The following GRID2 variants were observed in gnomAD, a reference collection of about 807,000 sequenced individuals.
GRID2 encodes the protein glutamate receptor ionotropic, delta-2.
GRID2 carries 33 observed loss-of-function variants against 114.8 expected under a neutral mutation model. That is an observed-to-expected ratio of 0.29 (90% CI 0.22 to 0.38). The LOEUF (loss-of-function observed/expected upper bound fraction) is 0.38. Among genes scored for constraint, GRID2 ranks in the 10% least tolerant of loss-of-function variants. GRID2 has a pLI of 1.00. For missense variants in GRID2, 1,184 were observed against 1,257.7 expected (o/e 0.94, Z 0.89); for synonymous variants, 505 against 449.9 (o/e 1.12, Z -1.55).
chr4:93,690,123 A>G (rs931873457), intron 14 of GRID2, among the ~76,000 whole-genome samples: 1 of 152,024 alleles, frequency 6.6e-6, no homozygotes, highest in Non-Finnish European at 1.5e-5. Flanking sequence ...TACAATTTGC[A>G]CAGTAGCTAC....
intron 9 of GRID2, among the ~76,000 whole-genome samples, chr4:93,408,639 T>G (rs1308290619): frequency 6.6e-6 from 1 of 152,092 alleles, no homozygotes; most frequent in Non-Finnish European, 1.5e-5. Context: ...CAGAGGTCAT[T>G]TTTATGTGCC....
At chr4:93,398,906 T>A (rs1367777230) in intron 9 of GRID2, among the ~76,000 whole-genome samples, 1 of 152,034 alleles carries the variant, frequency 6.6e-6, no homozygotes, top group East Asian at 1.9e-4. Flanking sequence ...ACTCTGAGAA[T>A]GGAAACCAGT....
chr4:92,463,617 A>G (rs527581426), intron 1 of GRID2, among the ~76,000 whole-genome samples: 1 of 152,136 alleles, frequency 6.6e-6, no homozygotes, highest in African/African-American at 2.4e-5. Flanking sequence ...GAAATTGTCA[A>G]CAGTGATTTA....
At chr4:93,370,438 G>C (rs1762763106) in intron 8 of GRID2, among the ~76,000 whole-genome samples, 1 of 126,972 alleles carries the variant, frequency 7.9e-6, no homozygotes, top group African/African-American at 3.1e-5. Flanking sequence ...CGCACACACA[G>C]GCACACACAC....
intron 14 of GRID2, among the ~76,000 whole-genome samples, chr4:93,678,631 T>C (rs1725173664): frequency 6.6e-6 from 1 of 151,988 alleles, no homozygotes; most frequent in Non-Finnish European, 1.5e-5. Flanking sequence ...TTCAACATTC[T>C]TAAAGAAAAG....
At chr4:93,602,087 T>C (rs1739739752) in intron 13 of GRID2, among the ~76,000 whole-genome samples, 1 of 152,210 alleles carries the variant, frequency 6.6e-6, no homozygotes, top group Non-Finnish European at 1.5e-5. Flanking sequence ...GCGAGTGATA[T>C]TGCCAACACC....
chr4:93,390,654 T>A (rs1263784915), intron 8 of GRID2, among the ~76,000 whole-genome samples: 1 of 152,158 alleles, frequency 6.6e-6, no homozygotes, highest in Non-Finnish European at 1.5e-5. Context: ...GGTAATTTTA[T>A]ACCAGAAGAA....
At chr4:93,783,916 C>CA (rs1307561582) in intron 1 of GRID2, among the ~76,000 whole-genome samples, 7 of 150,452 alleles carry the variant, frequency 4.7e-5, no homozygotes, top group Non-Finnish European at 7.4e-5. Context: ...ACTAAAAATA[C>CA]AAAAAATTAG....
chr4:93,473,313 A>G (rs2149437534), intron 11 of GRID2, among the ~76,000 whole-genome samples: 1 of 152,304 alleles, frequency 6.6e-6, no homozygotes. Context: ...ATATGTATGC[A>G]TCTAAGACTT....
At chr4:93,064,809 T>C (rs1044232380) in intron 2 of GRID2, among the ~76,000 whole-genome samples, 1 of 151,940 alleles carries the variant, frequency 6.6e-6, no homozygotes, top group Non-Finnish European at 1.5e-5. Context: ...ATATGTTTAA[T>C]GACATTTCAT....
intron 10 of GRID2, 21 bp from the exon 11 acceptor site, chr4:93,455,641 C>A: frequency 6.4e-7 from 1 of 1,561,234 alleles, no homozygotes; most frequent in Non-Finnish European, 8.8e-7. Flanking sequence ...TAATGTATTC[C>A]TTTCTCTTTC....
At chr4:93,087,949 T>C (rs1052132145) in intron 3 of GRID2, among the ~76,000 whole-genome samples, 2 of 152,180 alleles carry the variant, frequency 1.3e-5, no homozygotes, top group African/African-American at 2.4e-5. Context: ...ATGTGACTTT[T>C]ATCTTGGTTA....
Position 92,713,212 on chromosome 4 carries a change from C to A in GRID2, c.244+122926C>A, listed in dbSNP as rs192125201. 8.0e-5 allele frequency among the ~76,000 whole-genome samples: 12 copies of A among 150,730 alleles called. 1 individual carries two copies. In the East Asian group the frequency reaches 1.2e-3, roughly 15 times the overall value. On this transcript the variant is annotated intron_variant, in intron 2 of 15. Transcript: ENST00000282020. The stretch of plus-strand genomic sequence containing the variant: ...AGGTGGGAATTGAACAATGACTTGA[C>A]TTTTTCTAACAAGATTTGGTAGTGT...
intron 1 of GRID2, among the ~76,000 whole-genome samples, chr4:92,558,315 G>T (rs1434283561): frequency 6.6e-6 from 1 of 152,036 alleles, no homozygotes; most frequent in Non-Finnish European, 1.5e-5. Context: ...GCTATTTTTT[G>T]AAAATGTCAT....
At chr4:92,717,840 C>T (rs1341999440) in intron 2 of GRID2, among the ~76,000 whole-genome samples, 3 of 152,072 alleles carry the variant, frequency 2.0e-5, no homozygotes, top group Non-Finnish European at 4.4e-5. Context: ...CTGCCATGCT[C>T]CAGAATTACA....
intron 1 of GRID2, among the ~76,000 whole-genome samples, chr4:92,344,516 G>T (rs1444774843): frequency 1.3e-5 from 2 of 152,160 alleles, no homozygotes; most frequent in Non-Finnish European, 1.5e-5. Context: ...AAAACAAGAA[G>T]ATTTATTTTG....
intron 1 of GRID2, among the ~76,000 whole-genome samples, chr4:92,554,400 G>T (rs577092294): frequency 1.8e-4 from 27 of 152,168 alleles, no homozygotes; most frequent in Admixed American, 1.4e-3. Context: ...AATGTACAAG[G>T]TTCTGTTCCG....
At chr4:93,544,580 C>A (rs1733007077) in intron 13 of GRID2, among the ~76,000 whole-genome samples, 1 of 151,872 alleles carries the variant, frequency 6.6e-6, no homozygotes, top group South Asian at 2.1e-4. Flanking sequence ...GAGTTCGAGA[C>A]CAGCCTGACC....
intron 2 of GRID2, among the ~76,000 whole-genome samples, chr4:92,941,767 T>G (rs1560725737): frequency 6.6e-6 from 1 of 152,184 alleles, no homozygotes. Context: ...TCGTATGTTG[T>G]GTCTTTGTTC....
Sources: allele counts gnomAD v4.1 joint callset (sites outside exome capture counted in the v4.1 genomes callset), GRCh38; gene constraint gnomAD v4.1.1; transcripts MANE v1.5; gene names NCBI Gene and HGNC (gene_info 2026-07-23, HGNC 2026-07-21).